The following FOXN3 variants were observed in gnomAD, a reference collection of about 807,000 sequenced individuals.
FOXN3 encodes the protein forkhead box N3.
In FOXN3, 7 loss-of-function variants were observed where a neutral mutation model predicts 38.4. The ratio of observed to expected loss-of-function variants is 0.18; its 90% CI spans 0.10 to 0.34. The LOEUF (loss-of-function observed/expected upper bound fraction) is 0.34. Among genes scored for constraint, FOXN3 ranks in the 10% least tolerant of loss-of-function variants. The pLI, the probability that FOXN3 is intolerant of heterozygous loss-of-function variation, is 1.00. For missense variants in FOXN3, 456 were observed against 613.4 expected (o/e 0.74, Z 2.71); for synonymous variants, 230 against 242.2 (o/e 0.95, Z 0.47).
intron 1 of FOXN3, among the ~76,000 whole-genome samples, chr14:89,415,878 A>ACACACACACACACACACACACACAC (rs915319224): frequency 6.9e-6 from 1 of 145,044 alleles, no homozygotes; most frequent in Non-Finnish European, 1.5e-5. Context: ...ACACACACAC[A>ACACACACACACACACACACACACAC]CACACCCTCT....
At chr14:89,187,548 G>C (rs1367769147) in intron 4 of FOXN3, among the ~76,000 whole-genome samples, 1 of 152,212 alleles carries the variant, frequency 6.6e-6, no homozygotes, top group Non-Finnish European at 1.5e-5. Context: ...CAGGCCTTGG[G>C]CGATGCCGGC....
At chr14:89,432,284 C>CG (rs1202575119) in intron 1 of FOXN3, among the ~76,000 whole-genome samples, 1 of 152,160 alleles carries the variant, frequency 6.6e-6, no homozygotes, top group African/African-American at 2.4e-5. Flanking sequence ...TGTCCAGTGA[C>CG]GGCCCTAACA....
At chr14:89,465,063 T>C (rs1031610283) in intron 1 of FOXN3, among the ~76,000 whole-genome samples, 2 of 152,146 alleles carry the variant, frequency 1.3e-5, no homozygotes, top group African/African-American at 4.8e-5. Flanking sequence ...AAGGGCCTTT[T>C]TGCTCAGGAC....
intron 1 of FOXN3, among the ~76,000 whole-genome samples, chr14:89,587,871 A>G (rs1458190659): frequency 2.0e-5 from 3 of 150,924 alleles, no homozygotes; most frequent in Non-Finnish European, 4.4e-5. Flanking sequence ...GTCTCAGAAA[A>G]AAAAAAAAAA....
chr14:89,196,676 C>T (rs1363885804), intron 4 of FOXN3, among the ~76,000 whole-genome samples: 1 of 152,140 alleles, frequency 6.6e-6, no homozygotes, highest in Non-Finnish European at 1.5e-5. Context: ...CTATTGCCTC[C>T]AGAAAGCCAT....
chr14:89,268,861 GTC>G (rs965921588), intron 4 of FOXN3, among the ~76,000 whole-genome samples: 1 of 152,192 alleles, frequency 6.6e-6, no homozygotes, highest in African/African-American at 2.4e-5. Flanking sequence ...AACCCATACT[GTC>G]CATGTGAGCC....
intron 3 of FOXN3, among the ~76,000 whole-genome samples, chr14:89,307,866 T>C (rs888652837): frequency 6.6e-5 from 10 of 152,200 alleles, no homozygotes; most frequent in African/African-American, 1.2e-4. Context: ...GTGCCCGATA[T>C]AGGTAACTTT....
chr14:89,188,455 C>T (rs565038084), intron 4 of FOXN3, among the ~76,000 whole-genome samples: 2 of 152,198 alleles, frequency 1.3e-5, no homozygotes, highest in Non-Finnish European at 2.9e-5. Context: ...ATATTCCAGG[C>T]TCCAGCAGGC....
intron 2 of FOXN3, among the ~76,000 whole-genome samples, chr14:89,392,834 T>C (rs1890991345): frequency 6.9e-6 from 1 of 145,734 alleles, no homozygotes; most frequent in Non-Finnish European, 1.5e-5. Flanking sequence ...TGAGACAGCA[T>C]CTCGCTCTGT....
chr14:89,285,068 G>A (rs927071040), intron 3 of FOXN3, among the ~76,000 whole-genome samples: 7 of 152,182 alleles, frequency 4.6e-5, no homozygotes, highest in Non-Finnish European at 8.8e-5. Context: ...TAACCATTGT[G>A]AGAACCACCT....
intron 2 of FOXN3, among the ~76,000 whole-genome samples, chr14:89,363,206 G>C (rs1181361336): frequency 2.0e-5 from 3 of 152,120 alleles, no homozygotes; most frequent in Admixed American, 6.5e-5. Context: ...TCCCACCTGG[G>C]CTATCCCCAC....
chr14:89,215,390 G>T (rs1884240599), intron 4 of FOXN3, among the ~76,000 whole-genome samples: 1 of 150,398 alleles, frequency 6.6e-6, no homozygotes, highest in Non-Finnish European at 1.5e-5. Flanking sequence ...ATCCCAACAA[G>T]ATATCTGACT....
In FOXN3 at chr14:89,592,400, T is replaced by TACAGCAGAATGACTTATAAAGACACAAC. The variant is rs548688683; in HGVS notation, c.-15+26600_-15+26627dup. 3.0e-3 allele frequency among the ~76,000 whole-genome samples: 464 copies of TACAGCAGAATGACTTATAAAGACACAAC among 152,246 alleles called. 3 individuals carry two copies. The highest frequency in any genetic ancestry group is 0.01 in the African/African-American group (431 of 41,542). ...TCCAGTTGAAAGATCTGTTTAAATG[T>TACAGCAGAATGACTTATAAAGACACAAC]ACAGCAGAATGACTTATAAAGACAC... On this transcript the variant is annotated intron_variant, in intron 1 of 6. Coordinates refer to the FOXN3 transcript ENST00000345097.
rs144360707 is a variant in FOXN3 at position 89,551,275 on chromosome 14, C to A, written c.-15+67753G>T. Among the ~76,000 whole-genome samples, 363 of 152,318 alleles carry A rather than the reference C, an allele frequency of 2.4e-3. 1 individual carries two copies. Among genetic ancestry groups the A allele is most frequent in the African/African-American group, 8.4e-3 (351 of 41,560 alleles). On this transcript the variant is annotated intron_variant, in intron 1 of 6. Coordinates refer to the FOXN3 transcript ENST00000345097. ...CCGACTGTGCTATGGGGCTCAAGAG[C>A]TGTGGGTCTAACTTTCTGGGGTTAA...
At chr14:89,181,527 A>T (rs1460792447) in intron 4 of FOXN3, among the ~76,000 whole-genome samples, 1 of 152,226 alleles carries the variant, frequency 6.6e-6, no homozygotes, top group African/African-American at 2.4e-5. Context: ...GCCTGAGGAA[A>T]GGCCCCTCCC....
At chr14:89,302,705 C>T (rs1037766224) in intron 3 of FOXN3, among the ~76,000 whole-genome samples, 3 of 152,192 alleles carry the variant, frequency 2.0e-5, no homozygotes, top group Non-Finnish European at 4.4e-5. Flanking sequence ...AAGGATGTGA[C>T]TTATCCTCCA....
chr14:89,186,522 C>T (rs1247702376), intron 4 of FOXN3, among the ~76,000 whole-genome samples: 1 of 152,090 alleles, frequency 6.6e-6, no homozygotes, highest in African/African-American at 2.4e-5. Context: ...TGGAATGAAT[C>T]TACATAGCCA....
rs565614434 is a variant in FOXN3 at position 89,367,616 on chromosome 14, G to A, written c.544-16808C>T. On this transcript the variant is annotated intron_variant, in intron 2 of 5. Transcript: ENST00000557258. ...TGCTCCAGCGGGAACACAGGGTCAG[G>A]GAGACAGAACGGGGGTTGGACGCAG... Among the ~76,000 whole-genome samples, 74 of 152,274 alleles carry A rather than the reference G, an allele frequency of 4.9e-4. 1 individual carries two copies. In the South Asian group the frequency reaches 0.014, roughly 29 times the overall value.
chr14:89,244,008 T>C (rs1347115229), intron 4 of FOXN3, among the ~76,000 whole-genome samples: 1 of 152,240 alleles, frequency 6.6e-6, no homozygotes, highest in Non-Finnish European at 1.5e-5. Flanking sequence ...CTCATTGCAC[T>C]GATGCTAAGG....
Sources: allele counts gnomAD v4.1 joint callset (sites outside exome capture counted in the v4.1 genomes callset), GRCh38; gene constraint gnomAD v4.1.1; transcripts MANE v1.5; gene names NCBI Gene and HGNC (gene_info 2026-07-23, HGNC 2026-07-21).